CEBPZ: variants seen among roughly 807,000 people sequenced by gnomAD.
CEBPZ encodes CCAAT/enhancer-binding protein zeta.
CEBPZ carries 78 observed loss-of-function variants against 104.5 expected under a neutral mutation model. That is an observed-to-expected ratio of 0.75 (90% confidence interval 0.62 to 0.90). CEBPZ has a LOEUF of 0.90. Among genes scored for constraint, CEBPZ ranks in the 40% least tolerant of loss-of-function variants. CEBPZ has a pLI of 0.00. For missense variants in CEBPZ, 1,439 were observed against 1,233.5 expected (o/e 1.17, Z -2.50); for synonymous variants, 470 against 427.0 (o/e 1.10, Z -1.24).
At chr2:37,210,810 C>A in intron 13 of CEBPZ, 189 bp downstream of exon 13, 3 of 475,598 alleles carry the variant, frequency 6.3e-6, no homozygotes, top group South Asian at 3.6e-5. Flanking sequence ...AAAGATGATC[C>A]AGAGATATCT....
chr2:37,228,460 C>G lies in CEBPZ; in HGVS notation c.733G>C (p.Gly245Arg). 6.2e-7 allele frequency: 1 copy of G among 1,614,222 alleles called. No individual in the cohort carries two copies. The highest frequency in any genetic ancestry group is 8.5e-7 in the Non-Finnish European group (1 of 1,180,036). ...MKAIVSSGTL[G>R]DRMAAMILLI... is the part of the protein sequence containing the mutation. Reference sequence around the variant, plus strand: ...AGAATCATGGCTGCCATCCTGTCACCTAGTGTCCCCGATGACACAATTGCC... The same window carrying G: ...AGAATCATGGCTGCCATCCTGTCACGTAGTGTCCCCGATGACACAATTGCC... Residue 245 changes from glycine (G) to arginine (R), a missense_variant, in exon 2 of 16, where the codon GGT becomes CGT. Transcript: ENST00000234170.
intron 4 of CEBPZ, among the ~76,000 whole-genome samples, chr2:37,220,875 T>C (rs537538627): frequency 1.2e-4 from 19 of 152,302 alleles, no homozygotes; most frequent in Admixed American, 1.2e-3. Flanking sequence ...TGTGTGCCTG[T>C]AGTCCCAGCT....
chr2:37,222,394 A>T lies in CEBPZ; in HGVS notation c.2051T>A (p.Phe684Tyr), dbSNP rs756962960. 1.3e-6 allele frequency: 2 copies of T among 1,583,312 alleles called. No homozygotes were observed. Among genetic ancestry groups the T allele is most frequent in the Non-Finnish European group, 1.7e-6 (2 of 1,171,138 alleles). Reference sequence around the variant, plus strand: ...AAAAAACTCACCTTTCAAATTATCAAAGTGCACCCAGGAAGCAACCTCTGG... The same window carrying T: ...AAAAAACTCACCTTTCAAATTATCATAGTGCACCCAGGAAGCAACCTCTGG... ...KKPEVASWVH[F>Y]DNLKGGKQLN... The change falls in exon 4 of 16, where the codon TTT becomes TAT. Residue 684 changes from phenylalanine (F) to tyrosine (Y), a missense_variant. Physicochemically the swap from Phe to Tyr is conservative, Grantham distance 22. Transcript: ENST00000234170.
At position 37,211,100 on chromosome 2, in the gene CEBPZ, T is replaced by G. The variant is rs1169861345; in HGVS notation, c.2801-18A>C. The G allele has an allele frequency of 1.3e-6, 2 of 1,572,828 alleles. No homozygotes were observed. The highest frequency in any genetic ancestry group is 2.2e-5 in the East Asian group (1 of 44,588). ...TTCAAGTTCTGTTACACGAAAAAAT[T>G]TGCTAATAAGCAATTTAAAAACAAT... On this transcript the variant is annotated intron_variant, in intron 12 of 15. Coordinates refer to ENST00000234170, the MANE Select transcript of CEBPZ (RefSeq NM_005760.3).
intron 5 of CEBPZ, among the ~76,000 whole-genome samples, chr2:37,218,212 A>G (rs921234954): frequency 2.0e-5 from 3 of 151,926 alleles, no homozygotes; most frequent in Admixed American, 6.6e-5. Flanking sequence ...GCTTGCAGTG[A>G]GCTGAGATCG....
intron 1 of CEBPZ, among the ~76,000 whole-genome samples, chr2:37,231,109 G>T (rs780148219): frequency 1.3e-5 from 2 of 152,146 alleles, no homozygotes; most frequent in South Asian, 2.1e-4. Flanking sequence ...ATACCACAAG[G>T]TCAGGACCAA....
At chr2:37,214,003 T>C (rs1416596502) in intron 9 of CEBPZ, 42 bp from the exon 10 acceptor site, 1 of 1,137,958 alleles carries the variant, frequency 8.8e-7, no homozygotes, top group African/African-American at 1.6e-5. Flanking sequence ...TTATTAAAGG[T>C]CTAATCTTAC....
intron 6 of CEBPZ, 60 bp from the exon 7 acceptor site, chr2:37,216,478 AG>A: frequency 8.9e-7 from 1 of 1,127,988 alleles, no homozygotes; most frequent in Non-Finnish European, 1.3e-6. Context: ...AATCCAAGTA[AG>A]AAAAAGGAAG....
At chr2:37,226,066 G>C (rs1169354620) in intron 2 of CEBPZ, among the ~76,000 whole-genome samples, 7 of 150,916 alleles carry the variant, frequency 4.6e-5, no homozygotes, top group Non-Finnish European at 2.9e-5. Context: ...ATTGTCTTGT[G>C]ACCCTGACAC....
intron 5 of CEBPZ, among the ~76,000 whole-genome samples, chr2:37,217,795 G>A (rs1014179468): frequency 3.3e-5 from 5 of 151,220 alleles, no homozygotes; most frequent in South Asian, 4.2e-4. Flanking sequence ...CCAGCTACTC[G>A]GGAGGCTGAG....
chr2:37,221,645 A>C (rs1664774134), intron 4 of CEBPZ, among the ~76,000 whole-genome samples: 1 of 152,238 alleles, frequency 6.6e-6, no homozygotes, highest in East Asian at 1.9e-4. Context: ...ATCCTTCTAA[A>C]GGATTATTCT....
chr2:37,204,640 G>A (rs554321049), intron 13 of CEBPZ: 1 of 152,106 alleles, frequency 6.6e-6, no homozygotes, highest in Admixed American at 6.5e-5. Context: ...GTTTCTATAA[G>A]GTATGTTTAT....
At chr2:37,215,725 TC>T (rs1481702920) in intron 8 of CEBPZ, among the ~76,000 whole-genome samples, 1 of 152,104 alleles carries the variant, frequency 6.6e-6, no homozygotes, top group African/African-American at 2.4e-5. Flanking sequence ...AAAATGATGC[TC>T]TGTGACAAAA....
At position 37,228,481 on chromosome 2, in the gene CEBPZ, T is replaced by C. The variant is rs79992626; in HGVS notation, c.712A>G (p.Ile238Val). 4.4e-4 allele frequency: 716 copies of C among 1,614,234 alleles called. 2 individuals are homozygous for C. The African/African-American group carries it at 8.5e-3, about 19-fold the overall frequency. Residue 238 changes from isoleucine (I) to valine (V), a missense_variant, in exon 2 of 16, where the codon ATT (isoleucine) becomes GTT (valine). Transcript: ENST00000234170. ...TCACCTAGTGTCCCCGATGACACAA[T>C]TGCCTTCATCCAGGTAGAAGAGGCT... ...KGASSTWMKA[I>V]VSSGTLGDRM...
Position 37,215,208 on chromosome 2 carries a change from C to A in CEBPZ, c.2381-256G>T, listed in dbSNP as rs116709378. ...AGCTGTCAGTGCCGTTACAGTGAAA[C>A]AACAGGGTTCTCTTACTGTTCTTCA... On this transcript the variant is annotated intron_variant, in intron 8 of 15. Coordinates refer to ENST00000234170, the MANE Select transcript of CEBPZ (RefSeq NM_005760.3). The A allele has an allele frequency of 3.2e-3, 957 of 296,566 alleles. 6 individuals carry two copies. Among genetic ancestry groups the A allele is most frequent in the African/African-American group, 0.019 (874 of 46,352 alleles). The allele number at this position is 296,566 out of a possible 1,614,324, so 18.4% of individuals were successfully genotyped here. A position where few individuals can be genotyped will look rare whatever the true frequency, so the allele number is the denominator to read the frequency against.
At chr2:37,221,131 GCA>G (rs1664761178) in intron 4 of CEBPZ, among the ~76,000 whole-genome samples, 1 of 152,090 alleles carries the variant, frequency 6.6e-6, no homozygotes, top group Non-Finnish European at 1.5e-5. Context: ...ACCAGCCGGT[GCA>G]CAGAGTGGGA....
intron 5 of CEBPZ, 100 bp from the exon 6 acceptor site, chr2:37,217,137 C>A: frequency 2.1e-6 from 2 of 936,986 alleles, no homozygotes; most frequent in East Asian, 2.6e-5. Flanking sequence ...GTGGCTCACA[C>A]CTGTAATTCC....
intron 2 of CEBPZ, among the ~76,000 whole-genome samples, chr2:37,225,625 G>T (rs371871168): frequency 6.7e-4 from 50 of 74,098 alleles, no homozygotes; most frequent in African/African-American, 2.6e-3. Context: ...AGGCCGCAGG[G>T]ACCTCTGCCT....
chr2:37,209,546 A>C (rs181949314), intron 13 of CEBPZ: 1 of 152,334 alleles, frequency 6.6e-6, no homozygotes, highest in East Asian at 1.9e-4. Context: ...TGGGGAAAGG[A>C]CACCCTATTG....
Sources: gnomAD v4.1 joint callset for allele counts (sites outside exome capture counted in the v4.1 genomes callset) on GRCh38, gnomAD v4.1.1 for gene constraint, MANE v1.5 for transcripts, NCBI Gene and HGNC (gene_info 2026-07-23, HGNC 2026-07-21) for gene names.